Variants in RELN observed in about 807,000 individuals in gnomAD.
RELN encodes reelin.
RELN carries 108 observed loss-of-function variants against 427.6 expected under a neutral mutation model. The ratio of observed to expected loss-of-function variants is 0.25; its 90% CI spans 0.22 to 0.30. The LOEUF is 0.30. Ranked by LOEUF, RELN falls within the 10% of genes least tolerant of loss-of-function variation. The pLI is 1.00. For missense variants in RELN, 3,715 were observed against 4,302.8 expected, an observed-to-expected ratio of 0.86 and a Z score of 3.82; for synonymous variants, 1,524 against 1,513.4, an observed-to-expected ratio of 1.01 and a Z score of -0.16.
intron 2 of RELN, among the ~76,000 whole-genome samples, chr7:103,835,009 A>G (rs1156348842): frequency 6.6e-6 from 1 of 152,218 alleles, no homozygotes; most frequent in Admixed American, 6.5e-5. Context: ...GGGTGTTTTC[A>G]GCAGCTTTAT....
intron 8 of RELN, among the ~76,000 whole-genome samples, chr7:103,708,557 G>T (rs535254034): frequency 6.9e-6 from 1 of 144,562 alleles, no homozygotes; most frequent in South Asian, 2.1e-4. Flanking sequence ...TCCGCCTCCC[G>T]GGTTCATGCC....
At chr7:103,752,023 A>G (rs1344202543) in intron 5 of RELN, among the ~76,000 whole-genome samples, 3 of 152,228 alleles carry the variant, frequency 2.0e-5, no homozygotes, top group Non-Finnish European at 4.4e-5. Flanking sequence ...CTTGTTTTCT[A>G]GAGACTTTTT....
At chr7:103,806,327 C>CT (rs1203476866) in intron 3 of RELN, among the ~76,000 whole-genome samples, 1 of 152,008 alleles carries the variant, frequency 6.6e-6, no homozygotes, top group Non-Finnish European at 1.5e-5. Context: ...CACTTTCTTT[C>CT]TTTTTTCTTT....
intron 58 of RELN, 147 bp from the exon 59 acceptor site, chr7:103,490,976 TA>T (rs1421561299): frequency 9.7e-6 from 7 of 721,942 alleles, no homozygotes; most frequent in Non-Finnish European, 1.3e-5. Context: ...TTACAGATTA[TA>T]AAAAAATTAA....
chr7:103,483,587 T>A, intron 62 of RELN, 66 bp downstream of exon 62: 1 of 1,545,156 alleles, frequency 6.5e-7, no homozygotes. Flanking sequence ...CCTCAAACTT[T>A]GTGATTCCCA....
At chr7:103,510,504 A>AT (rs34905641) in intron 51 of RELN, among the ~76,000 whole-genome samples, 24,352 of 152,066 alleles carry the variant, frequency 0.16, 2,072 homozygotes, top group East Asian at 0.29. Context: ...TGGAGGAGGG[A>AT]TAGCATTAGG....
At chr7:103,652,244 TC>T (rs1308937081) in intron 14 of RELN, among the ~76,000 whole-genome samples, 1 of 151,026 alleles carries the variant, frequency 6.6e-6, no homozygotes, top group East Asian at 1.9e-4. Context: ...AAGCTTTTTT[TC>T]AGTTGCTTTT....
At chr7:103,583,501 G>A (rs1414562184) in intron 28 of RELN, among the ~76,000 whole-genome samples, 1 of 152,228 alleles carries the variant, frequency 6.6e-6, no homozygotes, top group African/African-American at 2.4e-5. Context: ...CAAAAAGGCT[G>A]TGACAAGTTA....
At chr7:103,635,627 T>TA in intron 18 of RELN, 41 bp from the exon 19 acceptor site, 1 of 1,537,282 alleles carries the variant, frequency 6.5e-7, no homozygotes, top group Non-Finnish European at 9.0e-7. Flanking sequence ...GCATAAACAT[T>TA]TTTAATCATA....
rs545808640 is a variant in RELN, at chr7:103,631,286, C to CTTTTTTTTTTTTTTTTTTT, written c.2466-1129_2466-1111dup. 1.4e-4 allele frequency among the ~76,000 whole-genome samples: 11 copies of CTTTTTTTTTTTTTTTTTTT among 77,812 alleles called. 3 individuals carry two copies. Among genetic ancestry groups the CTTTTTTTTTTTTTTTTTTT allele is most frequent in the African/African-American group, 4.0e-4 (8 of 20,030 alleles). 51.0% of individuals were successfully genotyped at this position (77,812 alleles called of 152,430 possible). A position where few individuals can be genotyped will look rare whatever the true frequency, so the allele number is the denominator to read the frequency against. On this transcript the variant is annotated intron_variant, in intron 19 of 64. Transcript: ENST00000428762. Reference sequence around the variant, plus strand: ...CAGAAATAAAACTTTAAAAACACTTCTTTTTTTTTTTTTTTTTTTTTTTTT... The same window carrying CTTTTTTTTTTTTTTTTTTT: ...CAGAAATAAAACTTTAAAAACACTTCTTTTTTTTTTTTTTTTTTTTTTTTTTTTTTTTTTTTTTTTTTTT...
intron 27 of RELN, among the ~76,000 whole-genome samples, chr7:103,592,598 G>A (rs1831444506): frequency 1.3e-5 from 2 of 152,124 alleles, no homozygotes; most frequent in Non-Finnish European, 1.5e-5. Flanking sequence ...TTCCTAAGCA[G>A]TGTGCATTCC....
intron 7 of RELN, among the ~76,000 whole-genome samples, chr7:103,724,761 T>C (rs953381030): frequency 7.2e-5 from 11 of 151,968 alleles, no homozygotes; most frequent in Non-Finnish European, 4.4e-5. Flanking sequence ...CCTTTACCCA[T>C]TTATTTTATT....
chr7:103,539,062 G>A lies in RELN; in HGVS notation c.7180+16C>T. 5 of 1,613,626 alleles carry A rather than the reference G, an allele frequency of 3.1e-6. No individual in the cohort carries two copies. The highest frequency in any genetic ancestry group is 4.2e-6 in the Non-Finnish European group (5 of 1,179,978). On this transcript the variant is annotated intron_variant, in intron 45 of 64. Transcript: ENST00000428762. ...GCCCACATGCCTGTCCCTCTATCTG[G>A]AGACGGCATACTCACCATAACAAGA...
chr7:103,916,136 T>C (rs1212177341), intron 2 of RELN, among the ~76,000 whole-genome samples: 1 of 152,158 alleles, frequency 6.6e-6, no homozygotes, highest in African/African-American at 2.4e-5. Context: ...GCAGTGACAA[T>C]GCAGCATCAA....
chr7:103,602,425 C>T (rs1273783702), intron 24 of RELN, among the ~76,000 whole-genome samples: 2 of 152,126 alleles, frequency 1.3e-5, no homozygotes, highest in African/African-American at 4.8e-5. Flanking sequence ...AGACTTGGAA[C>T]CAATCCAAAT....
At chr7:103,639,255 A>G (rs1056534628) in intron 17 of RELN, among the ~76,000 whole-genome samples, 2 of 152,172 alleles carry the variant, frequency 1.3e-5, no homozygotes, top group African/African-American at 4.8e-5. Flanking sequence ...TTCTTCACAT[A>G]CTTTATAAAA....
At chr7:103,644,214 G>T (rs1019708585) in intron 16 of RELN, among the ~76,000 whole-genome samples, 1 of 151,716 alleles carries the variant, frequency 6.6e-6, no homozygotes, top group Non-Finnish European at 1.5e-5. Context: ...AAAACAGAGT[G>T]TTAAAAAATC....
chr7:103,985,761 T>C (rs969599898), intron 1 of RELN, among the ~76,000 whole-genome samples: 4 of 152,028 alleles, frequency 2.6e-5, no homozygotes, highest in Non-Finnish European at 5.9e-5. Context: ...AGATACCTGA[T>C]GGCTGGGGGT....
intron 4 of RELN, among the ~76,000 whole-genome samples, chr7:103,774,563 T>A (rs1459838657): frequency 2.6e-5 from 4 of 152,206 alleles, no homozygotes; most frequent in African/African-American, 9.6e-5. Context: ...ATATGGTGAC[T>A]GCAATTGTTT....
Sources: allele counts gnomAD v4.1 joint callset (sites outside exome capture counted in the v4.1 genomes callset), GRCh38; gene constraint gnomAD v4.1.1; transcripts MANE v1.5; gene names NCBI Gene and HGNC (gene_info 2026-07-23, HGNC 2026-07-21).